Variants in SLC12A2 observed in about 807,000 individuals in gnomAD.
SLC12A2 encodes solute carrier family 12 member 2.
Under a neutral mutation model 136.3 loss-of-function variants are expected in SLC12A2, and 67 were observed. That is an observed-to-expected ratio of 0.49 (90% CI 0.40 to 0.60). SLC12A2 has a LOEUF of 0.60. Ranked by LOEUF, SLC12A2 falls within the 20% of genes least tolerant of loss-of-function variation. The pLI is 0.00. For synonymous variants in SLC12A2, 619 were observed against 562.9 expected, an observed-to-expected ratio of 1.10 and a Z score of -1.41; for missense variants, 1,322 against 1,534.7, an observed-to-expected ratio of 0.86 and a Z score of 2.32.
chr5:128,116,648 T>G (rs1761362293), intron 4 of SLC12A2, among the ~76,000 whole-genome samples: 1 of 152,108 alleles, frequency 6.6e-6, no homozygotes, highest in African/African-American at 2.4e-5. Flanking sequence ...AGGTGATACA[T>G]TTGGTGAAAT....
rs369586191 is a variant in SLC12A2 at position 128,112,942 on chromosome 5, A to C, written c.876+9A>C. 20 of 1,574,904 alleles carry C rather than the reference A, an allele frequency of 1.3e-5. No homozygotes were observed. The highest frequency in any genetic ancestry group is 1.6e-5 in the Non-Finnish European group (19 of 1,166,052). ...GGATCAAGGGTGTATTAGTATGTATATATAGACTTAATTTTATAGTTACAG... is the reference window on the plus strand; with the variant it reads ...GGATCAAGGGTGTATTAGTATGTATCTATAGACTTAATTTTATAGTTACAG... On this transcript the variant is annotated intron_variant, in intron 2 of 26. Transcript: ENST00000262461.
chr5:128,142,243 T>C (rs1762391551), intron 10 of SLC12A2, among the ~76,000 whole-genome samples: 1 of 152,108 alleles, frequency 6.6e-6, no homozygotes, highest in Non-Finnish European at 1.5e-5. Context: ...GCTGGGACTA[T>C]AGGCGCCAGC....
At chr5:128,178,363 A>G (rs1581139928) in intron 21 of SLC12A2, 4 of 330,952 alleles carry the variant, frequency 1.2e-5, no homozygotes, top group East Asian at 9.5e-5. Flanking sequence ...TAGCTATTGT[A>G]AAGAGTTATT....
intron 18 of SLC12A2, chr5:128,170,578 CTTA>C (rs1763342028): frequency 6.6e-6 from 1 of 152,016 alleles, no homozygotes; most frequent in South Asian, 2.1e-4. Context: ...ACATTGAATA[CTTA>C]TTACTTGTGC....
chr5:128,138,769 G>T (rs559516411), intron 8 of SLC12A2, 45 bp downstream of exon 8: 49 of 1,597,896 alleles, frequency 3.1e-5, no homozygotes, highest in Middle Eastern at 1.7e-4. Context: ...TTTAAAAGTG[G>T]AATTTGTATA....
chr5:128,106,051 C>T (rs1219519402), intron 1 of SLC12A2, among the ~76,000 whole-genome samples: 1 of 152,124 alleles, frequency 6.6e-6, no homozygotes, highest in Non-Finnish European at 1.5e-5. Flanking sequence ...TTTCTTCCCC[C>T]TTTTTTTCTC....
At chr5:128,165,344 A>G (rs1392656377) in intron 17 of SLC12A2, among the ~76,000 whole-genome samples, 1 of 152,214 alleles carries the variant, frequency 6.6e-6, no homozygotes, top group Non-Finnish European at 1.5e-5. Flanking sequence ...GCAAAACTAA[A>G]TACGTTTTTT....
chr5:128,141,817 A>G lies in SLC12A2; in HGVS notation c.1622-13A>G. On this transcript the variant is annotated splice_polypyrimidine_tract_variant and intron_variant, in intron 9 of 26. Transcript: ENST00000262461. The stretch of plus-strand genomic sequence containing the variant: ...TATTAACTATATTATTCTTGTTGTC[A>G]CTTGTGCTTTAGGTTCTTGTGTTGT... 6.2e-7 allele frequency: 1 copy of G among 1,607,588 alleles called. No homozygotes were observed. The highest frequency in any genetic ancestry group is 1.1e-5 in the South Asian group (1 of 89,986).
Position 128,095,409 on chromosome 5 carries a change from T to C in SLC12A2, c.756+10699T>C, listed in dbSNP as rs541881025. 2.6e-5 allele frequency among the ~76,000 whole-genome samples: 4 copies of C among 152,262 alleles called. No individual in the cohort carries two copies. The South Asian group carries it at 8.3e-4, about 32-fold the overall frequency. ...AATACCTGGTAGGGCAGAATCTTTT[T>C]GAAACCAGGTCTCGGTATCCCAATT... On this transcript the variant is annotated intron_variant, in intron 1 of 26. Transcript: ENST00000262461.
At chr5:128,120,960 T>A (rs1253847791) in intron 4 of SLC12A2, among the ~76,000 whole-genome samples, 1 of 152,184 alleles carries the variant, frequency 6.6e-6, no homozygotes, top group Non-Finnish European at 1.5e-5. Context: ...GTGTTTATAT[T>A]TTATTAATTG....
intron 19 of SLC12A2, among the ~76,000 whole-genome samples, chr5:128,174,061 A>T (rs1375594089): frequency 6.6e-6 from 1 of 152,092 alleles, no homozygotes; most frequent in East Asian, 1.9e-4. Context: ...GAGAGAATTG[A>T]TTCACATACT....
chr5:128,138,953 T>C, intron 9 of SLC12A2, 45 bp downstream of exon 9: 1 of 1,255,734 alleles, frequency 8.0e-7, no homozygotes, highest in Admixed American at 1.8e-5. Flanking sequence ...AATTTCATGA[T>C]GTACGTACTA....
chr5:128,166,585 GT>G (rs755522672), intron 17 of SLC12A2, among the ~76,000 whole-genome samples: 129 of 152,092 alleles, frequency 8.5e-4, no homozygotes, highest in Non-Finnish European at 1.5e-3. Flanking sequence ...ATATACTGTT[GT>G]TTCACTCATG....
chr5:128,181,227 G>A (rs1369641886), intron 23 of SLC12A2, among the ~76,000 whole-genome samples: 1 of 151,858 alleles, frequency 6.6e-6, no homozygotes, highest in Non-Finnish European at 1.5e-5. Context: ...ATTTTAGAAG[G>A]TCCTTCTTAA....
At chr5:128,142,053 A>G in intron 10 of SLC12A2, 72 bp downstream of exon 10, 7 of 1,252,610 alleles carry the variant, frequency 5.6e-6, no homozygotes, top group Admixed American at 1.9e-5. Flanking sequence ...AAATATGACC[A>G]TTCAGAATAT....
chr5:128,174,238 A>G (rs1763471610), intron 19 of SLC12A2, among the ~76,000 whole-genome samples: 1 of 152,144 alleles, frequency 6.6e-6, no homozygotes, highest in African/African-American at 2.4e-5. Flanking sequence ...TTTGCATTAC[A>G]TAGTACTTAC....
intron 1 of SLC12A2, among the ~76,000 whole-genome samples, chr5:128,100,512 A>G (rs1420277089): frequency 1.3e-5 from 2 of 152,140 alleles, no homozygotes; most frequent in South Asian, 2.1e-4. Flanking sequence ...GAAATATGAA[A>G]CACTTCTGGT....
chr5:128,148,688 T>C, intron 11 of SLC12A2, 66 bp from the exon 12 acceptor site: 1 of 1,351,670 alleles, frequency 7.4e-7, no homozygotes, highest in Non-Finnish European at 1.0e-6. Context: ...ATTAACCTAT[T>C]AGAACTATCA....
At chr5:128,114,769 A>G (rs1169884896) in intron 4 of SLC12A2, 88 bp downstream of exon 4, 2 of 817,114 alleles carry the variant, frequency 2.4e-6, no homozygotes, top group Non-Finnish European at 2.0e-6. Flanking sequence ...TTTTACTTTA[A>G]CTGAAGCAAC....
Sources: allele counts gnomAD v4.1 joint callset (sites outside exome capture counted in the v4.1 genomes callset), GRCh38; gene constraint gnomAD v4.1.1; transcripts MANE v1.5; gene names NCBI Gene and HGNC (gene_info 2026-07-23, HGNC 2026-07-21).